The following PARP16 variants were observed in gnomAD, a reference collection of about 807,000 sequenced individuals.
PARP16 encodes the protein protein mono-ADP-ribosyltransferase PARP16.
PARP16 carries 31 observed loss-of-function variants against 35.0 expected under a neutral mutation model. That is an observed-to-expected ratio of 0.88 (90% CI 0.66 to 1.19). PARP16 has a LOEUF of 1.19. Among genes scored for constraint, PARP16 ranks in the 50% most tolerant of loss-of-function variants. The probability of loss-of-function intolerance (pLI) is 0.00; values close to 1 mark genes in which losing one functional copy is unlikely to be tolerated. For missense variants in PARP16, 424 were observed against 411.2 expected, an observed-to-expected ratio of 1.03 and a Z score of -0.27; for synonymous variants, 162 against 169.5, an observed-to-expected ratio of 0.96 and a Z score of 0.34.
At chr15:65,265,121 C>T (rs553996069) in intron 3 of PARP16, among the ~76,000 whole-genome samples, 4 of 152,296 alleles carry the variant, frequency 2.6e-5, no homozygotes. Flanking sequence ...AGGGAAATAT[C>T]TCCAGTCTCA....
intron 3 of PARP16, among the ~76,000 whole-genome samples, chr15:65,235,147 A>T (rs552628454): frequency 4.0e-4 from 59 of 148,572 alleles, no homozygotes; most frequent in Admixed American, 5.4e-4. Context: ...AAGTATATTT[A>T]AAAAAAAAAA....
rs2089615016 is a variant in PARP16, at chr15:65,259,201, G to A, written c.*206C>T. On this transcript the variant is annotated 3_prime_UTR_variant, in exon 6 of 6. Coordinates refer to ENST00000649807, the MANE Select transcript of PARP16 (RefSeq NM_001316943.2). ...GGAAGGACTCCCCTAAAACCTAAGA[G>A]TGAGGGACTAGTAGTCCCCGTTGAC... 2.0e-5 allele frequency: 12 copies of A among 612,252 alleles called. No individual in the cohort carries two copies. The South Asian group carries it at 2.4e-4, about 12-fold the overall frequency. 37.9% of individuals were successfully genotyped at this position (612,252 alleles called of 1,614,324 possible).
chr15:65,254,661 T>A (rs983580450), downstream of PARP16, among the ~76,000 whole-genome samples: 3 of 152,078 alleles, frequency 2.0e-5, no homozygotes, highest in Non-Finnish European at 4.4e-5. Flanking sequence ...AGAATCACCA[T>A]GGCAACGGGA....
intron 3 of PARP16, among the ~76,000 whole-genome samples, chr15:65,243,118 T>A (rs188518261): frequency 8.9e-4 from 135 of 152,306 alleles, no homozygotes; most frequent in Non-Finnish European, 1.4e-3. Context: ...AACTATATGG[T>A]TTATATTTTT....
intron 4 of PARP16, among the ~76,000 whole-genome samples, chr15:65,261,753 C>G (rs561559170): frequency 6.6e-6 from 1 of 152,144 alleles, no homozygotes; most frequent in South Asian, 2.1e-4. Flanking sequence ...CCACCACACC[C>G]GGCCTTAACA....
intron 1 of PARP16, among the ~76,000 whole-genome samples, chr15:65,280,621 G>A (rs2090393666): frequency 6.6e-6 from 1 of 152,144 alleles, no homozygotes; most frequent in African/African-American, 2.4e-5. Flanking sequence ...CTGCTAGGGA[G>A]TGGAGGCACA....
downstream of PARP16, among the ~76,000 whole-genome samples, chr15:65,257,490 G>C (rs1012936046): frequency 6.6e-6 from 1 of 151,386 alleles, no homozygotes; most frequent in Non-Finnish European, 1.5e-5. Context: ...AATGAGCCAG[G>C]CATGGTGGTG....
intron 1 of PARP16, among the ~76,000 whole-genome samples, chr15:65,279,174 G>A (rs1229995465): frequency 6.6e-6 from 1 of 152,040 alleles, no homozygotes; most frequent in African/African-American, 2.4e-5. Context: ...CCATCACCAC[G>A]TCCAGTGATT....
chr15:65,232,946 G>A (rs563459935), downstream of PARP16, among the ~76,000 whole-genome samples: 1 of 152,132 alleles, frequency 6.6e-6, no homozygotes, highest in Admixed American at 6.5e-5. Context: ...GCATGGTGGT[G>A]CCACTGCACT....
chr15:65,269,176 T>TTTTTTCTTTCTTTC (rs1555423771), intron 2 of PARP16, among the ~76,000 whole-genome samples: 1 of 146,156 alleles, frequency 6.8e-6, no homozygotes, highest in Non-Finnish European at 1.5e-5. Flanking sequence ...TAGTCGGTTT[T>TTTTTTCTTTCTTTC]TTTCTTTCTT....
chr15:65,238,202 T>C (rs1368549089), intron 3 of PARP16, among the ~76,000 whole-genome samples: 4 of 152,142 alleles, frequency 2.6e-5, no homozygotes, highest in Admixed American at 6.5e-5. Flanking sequence ...GAGAATTGCT[T>C]GAACCCGGGA....
intron 3 of PARP16, among the ~76,000 whole-genome samples, chr15:65,247,081 C>T (rs1336020782): frequency 1.3e-5 from 2 of 152,028 alleles, no homozygotes; most frequent in African/African-American, 4.8e-5. Flanking sequence ...GCCTCGACCT[C>T]CTGGGCTCAA....
intron 3 of PARP16, among the ~76,000 whole-genome samples, chr15:65,264,247 C>A (rs1344782641): frequency 1.3e-5 from 2 of 152,128 alleles, no homozygotes; most frequent in African/African-American, 4.8e-5. Context: ...GGTAGATGAC[C>A]AATAACAAAC....
chr15:65,242,873 C>T (rs191121562), intron 3 of PARP16, among the ~76,000 whole-genome samples: 2 of 152,034 alleles, frequency 1.3e-5, no homozygotes, highest in South Asian at 2.1e-4. Context: ...TGCCACCACT[C>T]CTGGCTAATT....
downstream of PARP16, among the ~76,000 whole-genome samples, chr15:65,257,156 C>G (rs544399906): frequency 6.6e-6 from 1 of 152,142 alleles, no homozygotes; most frequent in African/African-American, 2.4e-5. Flanking sequence ...GTGGCTCACA[C>G]CTGTAATCCC....
intron 2 of PARP16, among the ~76,000 whole-genome samples, chr15:65,267,334 G>A (rs2089929647): frequency 1.3e-5 from 2 of 151,928 alleles, no homozygotes; most frequent in Non-Finnish European, 2.9e-5. Context: ...AGGGCTGGGT[G>A]CGGTGGCTCA....
intron 5 of PARP16, 57 bp from the exon 6 acceptor site, chr15:65,259,599 A>G: frequency 6.5e-7 from 1 of 1,533,264 alleles, no homozygotes; most frequent in Non-Finnish European, 9.0e-7. Flanking sequence ...ATTTTTTTTA[A>G]GTGTGTACAA....
At chr15:65,261,497 C>G (rs981422021) in intron 4 of PARP16, among the ~76,000 whole-genome samples, 1 of 145,658 alleles carries the variant, frequency 6.9e-6, no homozygotes, top group Non-Finnish European at 1.5e-5. Context: ...CTTTTTTCGT[C>G]CAGGCTGGAG....
downstream of PARP16, among the ~76,000 whole-genome samples, chr15:65,233,308 A>G (rs951336913): frequency 2.6e-5 from 4 of 152,188 alleles, no homozygotes; most frequent in Admixed American, 2.0e-4. Context: ...AGGCTGAGGC[A>G]GGAGAATGGT....
Sources: gnomAD v4.1 joint callset for allele counts (sites outside exome capture counted in the v4.1 genomes callset) on GRCh38, gnomAD v4.1.1 for gene constraint, MANE v1.5 for transcripts, NCBI Gene and HGNC (gene_info 2026-07-23, HGNC 2026-07-21) for gene names.